The following LIN9 variants were observed in gnomAD, a reference collection of about 807,000 sequenced individuals.
LIN9 encodes protein lin-9 homolog.
Under a neutral mutation model 78.0 loss-of-function variants are expected in LIN9, and 18 were observed. The ratio of observed to expected loss-of-function variants is 0.23; its 90% CI spans 0.16 to 0.34. The LOEUF (loss-of-function observed/expected upper bound fraction) is 0.34. Ranked by LOEUF, LIN9 falls within the 10% of genes least tolerant of loss-of-function variation. The probability of loss-of-function intolerance (pLI) is 1.00; values close to 1 mark genes in which losing one functional copy is unlikely to be tolerated. For synonymous variants in LIN9, 192 were observed against 215.2 expected (o/e 0.89, Z 0.94); for missense variants, 451 against 644.1 (o/e 0.70, Z 3.25).
At chr1:226,309,517 G>A, upstream of LIN9, 2 of 1,146,912 alleles carry the variant, frequency 1.7e-6, no homozygotes. Context: ...GGAACTGCAG[G>A]CTGTTTGTTC....
intron 1 of LIN9, among the ~76,000 whole-genome samples, chr1:226,303,955 G>A (rs11802954): frequency 0.24 from 36,446 of 152,094 alleles, 4,580 homozygotes; most frequent in South Asian, 0.33. Flanking sequence ...AAGAAAACAG[G>A]TTCTAGATTG....
intron 10 of LIN9, among the ~76,000 whole-genome samples, chr1:226,253,187 C>A (rs1658952532): frequency 6.8e-6 from 1 of 146,968 alleles, no homozygotes; most frequent in Non-Finnish European, 1.5e-5. Flanking sequence ...TGCTTGAGCC[C>A]AGGGGTTTGA....
Position 226,232,418 on chromosome 1 carries a change from T to A in LIN9, c.*83A>T, listed in dbSNP as rs557012631. ...TTTCCCTTGTTTTCCAGCAGTTAGG[T>A]TATTTGGTGTTGGAAGCCTATATAA... On this transcript the variant is annotated 3_prime_UTR_variant, in exon 15 of 15. Transcript: ENST00000681046. The A allele has an allele frequency of 1.5e-5, 12 of 820,722 alleles. No homozygotes were observed. The South Asian group carries it at 2.0e-4, about 14-fold the overall frequency. 50.8% of individuals were successfully genotyped at this position (820,722 alleles called of 1,614,324 possible).
chr1:226,298,510 A>C (rs1352513731), intron 2 of LIN9, among the ~76,000 whole-genome samples: 2 of 152,216 alleles, frequency 1.3e-5, no homozygotes. Context: ...GCCAGCCTGT[A>C]TTTAGAGCAC....
chr1:226,253,247 G>A (rs1658956440), intron 10 of LIN9, among the ~76,000 whole-genome samples: 1 of 138,354 alleles, frequency 7.2e-6, no homozygotes, highest in Non-Finnish European at 1.5e-5. Flanking sequence ...GGGTGACAAA[G>A]TGACTGAAAC....
intron 7 of LIN9, 37 bp downstream of exon 7, chr1:226,277,738 T>C: frequency 6.4e-7 from 1 of 1,559,432 alleles, no homozygotes; most frequent in Non-Finnish European, 8.7e-7. Flanking sequence ...GATTAAAAAT[T>C]ACAAGTCAAA....
intron 4 of LIN9, among the ~76,000 whole-genome samples, chr1:226,295,406 G>A (rs1311718540): frequency 6.6e-6 from 1 of 151,834 alleles, no homozygotes; most frequent in Admixed American, 6.6e-5. Flanking sequence ...CCGAGATCAC[G>A]CCACTGTACT....
intron 1 of LIN9, among the ~76,000 whole-genome samples, chr1:226,305,338 A>C (rs989216575): frequency 1.0e-4 from 15 of 150,688 alleles, no homozygotes; most frequent in Non-Finnish European, 2.1e-4. Context: ...AAAAAAAAAA[A>C]AAACCTTAGT....
intron 4 of LIN9, among the ~76,000 whole-genome samples, chr1:226,292,534 A>G (rs1424621558): frequency 6.6e-6 from 1 of 152,128 alleles, no homozygotes; most frequent in Non-Finnish European, 1.5e-5. Context: ...ATAGCTCACT[A>G]CAGCCTCAAT....
chr1:226,287,735 T>G lies in LIN9; in HGVS notation c.327A>C (p.Leu109Phe), dbSNP rs955203414. 2.6e-6 allele frequency: 4 copies of G among 1,553,386 alleles called. No homozygotes were observed. Among genetic ancestry groups the G allele is most frequent in the Non-Finnish European group, 3.4e-6 (4 of 1,160,588 alleles). The change falls in exon 5 of 15, where the codon TTA becomes TTC. Residue 109 changes from leucine (L) to phenylalanine (F), a missense_variant. Physicochemically the swap from Leu to Phe is conservative, Grantham distance 22. Coordinates refer to ENST00000681046, the MANE Select transcript of LIN9 (RefSeq NM_001366245.2). ...CTTTAGGAAGCTTGAGCAGATTACGTAATCGAAAACCAATCTTCTGTGAAG... is the reference window on the plus strand; with the variant it reads ...CTTTAGGAAGCTTGAGCAGATTACGGAATCGAAAACCAATCTTCTGTGAAG... ...KKASQKIGFR[L>F]RNLLKLPKAH... is the part of the protein sequence containing the mutation.
In LIN9 at chr1:226,231,570, C is replaced by G. The variant is rs771133881; in HGVS notation, c.*931G>C. ...AAAAAAGAAAAACAACCAAAACAAG[C>G]CTTTCTTCTGCATTTCACAGCACTG... On this transcript the variant is annotated 3_prime_UTR_variant, in exon 15 of 15. Transcript: ENST00000681046. 1 of 152,514 alleles carries G rather than the reference C, an allele frequency of 6.6e-6. No individual in the cohort carries two copies. Among genetic ancestry groups the G allele is most frequent in the East Asian group, 1.9e-4 (1 of 5,200 alleles). 9.4% of individuals were successfully genotyped at this position (152,514 alleles called of 1,614,324 possible).
chr1:226,266,442 A>G (rs898169313), intron 8 of LIN9, 110 bp from the exon 9 acceptor site: 35 of 773,214 alleles, frequency 4.5e-5, no homozygotes, highest in Middle Eastern at 4.3e-4. Context: ...TCTATGATTC[A>G]TATAGAATTT....
At chr1:226,292,556 A>G (rs996411773) in intron 4 of LIN9, among the ~76,000 whole-genome samples, 3 of 152,102 alleles carry the variant, frequency 2.0e-5, no homozygotes, top group African/African-American at 4.8e-5. Context: ...TCCTGGGCTG[A>G]AGTGATCCTA....
At chr1:226,240,403 T>C (rs968306961) in intron 11 of LIN9, among the ~76,000 whole-genome samples, 2 of 151,432 alleles carry the variant, frequency 1.3e-5, no homozygotes, top group Non-Finnish European at 2.9e-5. Flanking sequence ...TTTTTTTTTT[T>C]TTGAGACAGG....
At position 226,294,404 on chromosome 1, in the gene LIN9, A is replaced by G. The variant is rs891451897; in HGVS notation, c.264+1438T>C. ...AAGATCGGCCTGACTAACATGCAGA[A>G]ACCCCATCTCTACTAAAAATACAAA... On this transcript the variant is annotated intron_variant, in intron 4 of 14. Transcript: ENST00000681046. 3.3e-4 allele frequency among the ~76,000 whole-genome samples: 50 copies of G among 152,204 alleles called. 1 individual carries two copies. The highest frequency in any genetic ancestry group is 2.9e-3 in the Admixed American group (45 of 15,278).
rs1047158662 is a variant in LIN9, at chr1:226,244,082, G to C, written c.1120-4986C>G. 4.6e-4 allele frequency among the ~76,000 whole-genome samples: 69 copies of C among 151,294 alleles called. 1 individual carries two copies. Among genetic ancestry groups the C allele is most frequent in the African/African-American group, 1.5e-3 (64 of 41,352 alleles). ...CTAGAGGTGGGGTTTCACCATGTTGGCCAGGCTAATCTCGAACTCCTGACC... is the reference window on the plus strand; with the variant it reads ...CTAGAGGTGGGGTTTCACCATGTTGCCCAGGCTAATCTCGAACTCCTGACC... On this transcript the variant is annotated intron_variant, in intron 11 of 14. Transcript: ENST00000681046.
chr1:226,261,847 C>T (rs558542415), intron 10 of LIN9, among the ~76,000 whole-genome samples: 213 of 152,168 alleles, frequency 1.4e-3, no homozygotes, highest in Non-Finnish European at 2.9e-3. Context: ...AGTTGAAGGA[C>T]TGACACTATT....
intron 6 of LIN9, among the ~76,000 whole-genome samples, chr1:226,283,951 A>AG (rs1661239097): frequency 6.6e-6 from 1 of 151,850 alleles, no homozygotes; most frequent in Non-Finnish European, 1.5e-5. Context: ...TCAAAAAAAA[A>AG]AGAGAGAGAG....
intron 1 of LIN9, among the ~76,000 whole-genome samples, chr1:226,301,681 A>G (rs1326294758): frequency 1.3e-5 from 2 of 152,232 alleles, no homozygotes; most frequent in Non-Finnish European, 2.9e-5. Flanking sequence ...GGTATATGTG[A>G]TACTTCAAGA....
Sources: allele counts gnomAD v4.1 joint callset (sites outside exome capture counted in the v4.1 genomes callset), GRCh38; gene constraint gnomAD v4.1.1; transcripts MANE v1.5; gene names NCBI Gene and HGNC (gene_info 2026-07-23, HGNC 2026-07-21).